RUNDC3B: variants seen among roughly 807,000 people sequenced by gnomAD.
The protein encoded by RUNDC3B is RUN domain containing 3B.
A neutral mutation model predicts 58.4 loss-of-function variants in RUNDC3B; 33 were observed. The ratio of observed to expected loss-of-function variants is 0.56; its 90% CI spans 0.43 to 0.75. The LOEUF is 0.75. Ranked by LOEUF, RUNDC3B falls within the 30% of genes least tolerant of loss-of-function variation. The pLI, the probability that RUNDC3B is intolerant of heterozygous loss-of-function variation, is 0.00. For missense variants in RUNDC3B, 501 were observed against 535.7 expected (o/e 0.94, Z 0.64); for synonymous variants, 193 against 195.2 (o/e 0.99, Z 0.10).
chr7:87,785,309 G>C lies in RUNDC3B; in HGVS notation c.956+7354G>C, dbSNP rs537822071. ...ACTGAACCCTTCCCAGGCTGGTCTT[G>C]TGGAAGGAAGGATGCCCAGCTCCCT... On this transcript the variant is annotated intron_variant, in intron 8 of 10. Transcript: ENST00000394654. Among the ~76,000 whole-genome samples the C allele has an allele frequency of 1.5e-3, 234 of 152,162 alleles. 1 individual carries two copies. Among genetic ancestry groups the C allele is most frequent in the African/African-American group, 5.6e-3 (231 of 41,506 alleles).
intron 7 of RUNDC3B, among the ~76,000 whole-genome samples, chr7:87,771,806 T>A (rs1305883461): frequency 6.6e-6 from 1 of 152,106 alleles, no homozygotes; most frequent in Non-Finnish European, 1.5e-5. Flanking sequence ...AGGTGCAAAA[T>A]GGCAGAGTAA....
intron 4 of RUNDC3B, among the ~76,000 whole-genome samples, chr7:87,723,701 A>G (rs951688766): frequency 6.6e-6 from 1 of 152,346 alleles, no homozygotes; most frequent in Middle Eastern, 3.4e-3. Context: ...TGATATAAAT[A>G]CAAGACTAGG....
intron 8 of RUNDC3B, among the ~76,000 whole-genome samples, chr7:87,801,991 C>T (rs762990493): frequency 2.6e-5 from 4 of 152,002 alleles, no homozygotes; most frequent in African/African-American, 7.3e-5. Flanking sequence ...CCTCCTGAAA[C>T]GATATAAAGC....
chr7:87,746,567 T>C (rs1184228288), intron 6 of RUNDC3B, among the ~76,000 whole-genome samples: 1 of 152,232 alleles, frequency 6.6e-6, no homozygotes, highest in Non-Finnish European at 1.5e-5. Context: ...TTGTATAATG[T>C]ACTTCTTTGT....
At chr7:87,780,883 A>G (rs544042326) in intron 8 of RUNDC3B, among the ~76,000 whole-genome samples, 10 of 152,300 alleles carry the variant, frequency 6.6e-5, no homozygotes, top group African/African-American at 2.2e-4. Context: ...TGGTTACTGT[A>G]GACTTCCTTG....
intron 3 of RUNDC3B, among the ~76,000 whole-genome samples, chr7:87,710,177 T>C (rs1452786929): frequency 6.6e-6 from 1 of 152,194 alleles, no homozygotes; most frequent in East Asian, 1.9e-4. Flanking sequence ...TTTTCATTAA[T>C]GAGAGAGAAC....
At chr7:87,810,274 A>G (rs1836642256) in intron 9 of RUNDC3B, among the ~76,000 whole-genome samples, 1 of 152,222 alleles carries the variant, frequency 6.6e-6, no homozygotes, top group Non-Finnish European at 1.5e-5. Context: ...TCTGCCCAGC[A>G]GTGGATGTAG....
intron 2 of RUNDC3B, among the ~76,000 whole-genome samples, 159 bp from the exon 3 acceptor site, chr7:87,700,262 G>C: frequency 6.6e-6 from 1 of 152,124 alleles, no homozygotes; most frequent in East Asian, 1.9e-4. Flanking sequence ...AGATAGAATA[G>C]GACTAGATTT....
chr7:87,725,695 A>G (rs564552987), intron 4 of RUNDC3B, among the ~76,000 whole-genome samples: 1 of 152,314 alleles, frequency 6.6e-6, no homozygotes, highest in South Asian at 2.1e-4. Flanking sequence ...GAACTAGTTT[A>G]CCGTCCCACC....
At chr7:87,689,206 A>G (rs79849241) in intron 2 of RUNDC3B, among the ~76,000 whole-genome samples, 2,334 of 152,202 alleles carry the variant, frequency 0.015, 35 homozygotes, top group Non-Finnish European at 0.02. Context: ...TTATAATAAG[A>G]GAGTTAAAGA....
At chr7:87,663,178 A>G (rs1195352649) in intron 2 of RUNDC3B, among the ~76,000 whole-genome samples, 3 of 152,136 alleles carry the variant, frequency 2.0e-5, no homozygotes, top group Admixed American at 6.6e-5. Flanking sequence ...AGATCATATC[A>G]TCTGAAAACA....
intron 6 of RUNDC3B, among the ~76,000 whole-genome samples, chr7:87,752,195 G>T (rs1014956096): frequency 1.3e-5 from 2 of 152,090 alleles, no homozygotes; most frequent in South Asian, 2.1e-4. Context: ...TTGTGTATAT[G>T]GAACCAGCCT....
intron 2 of RUNDC3B, among the ~76,000 whole-genome samples, chr7:87,672,227 A>G (rs145170871): frequency 5.9e-5 from 9 of 152,344 alleles, no homozygotes; most frequent in African/African-American, 2.2e-4. Flanking sequence ...CATAGGAGGA[A>G]CAGGATCAGG....
chr7:87,649,888 T>C (rs1823403978), intron 1 of RUNDC3B, among the ~76,000 whole-genome samples: 1 of 152,184 alleles, frequency 6.6e-6, no homozygotes, highest in Non-Finnish European at 1.5e-5. Context: ...ACACATGCTC[T>C]CTTGCGTGCT....
At chr7:87,714,257 T>C (rs935176647) in intron 4 of RUNDC3B, among the ~76,000 whole-genome samples, 1 of 152,020 alleles carries the variant, frequency 6.6e-6, no homozygotes, top group African/African-American at 2.4e-5. Context: ...CACAAGATAG[T>C]GAAAGCTGGG....
At chr7:87,682,134 C>T (rs1010238653) in intron 2 of RUNDC3B, among the ~76,000 whole-genome samples, 1 of 152,226 alleles carries the variant, frequency 6.6e-6, no homozygotes, top group African/African-American at 2.4e-5. Context: ...AACTCCTCAT[C>T]TGTTCAAGTT....
intron 4 of RUNDC3B, among the ~76,000 whole-genome samples, chr7:87,714,514 G>A (rs1437671800): frequency 6.6e-6 from 1 of 152,248 alleles, no homozygotes; most frequent in African/African-American, 2.4e-5. Context: ...TAGTGTGTGT[G>A]TTAGTAATTT....
chr7:87,791,609 T>TTG (rs1232520167), intron 8 of RUNDC3B, among the ~76,000 whole-genome samples: 3 of 151,528 alleles, frequency 2.0e-5, no homozygotes, highest in Admixed American at 6.6e-5. Flanking sequence ...TAGTTTTTGC[T>TTG]TGTGTGTGTG....
At chr7:87,656,173 A>T (rs1824081162) in intron 2 of RUNDC3B, among the ~76,000 whole-genome samples, 1 of 152,184 alleles carries the variant, frequency 6.6e-6, no homozygotes, top group Non-Finnish European at 1.5e-5. Flanking sequence ...TAATTTGTTA[A>T]TTAGTACAAT....
Sources: gnomAD v4.1 joint callset for allele counts (sites outside exome capture counted in the v4.1 genomes callset) on GRCh38, gnomAD v4.1.1 for gene constraint, MANE v1.5 for transcripts, NCBI Gene and HGNC (gene_info 2026-07-23, HGNC 2026-07-21) for gene names.